Variants in CSMD1 observed in about 807,000 individuals in gnomAD.
CSMD1 encodes the protein CUB and sushi domain-containing protein 1.
Under a neutral mutation model 417.5 loss-of-function variants are expected in CSMD1, and 213 were observed. The observed-to-expected ratio is 0.51, with a 90% CI of 0.46 to 0.57. The LOEUF (loss-of-function observed/expected upper bound fraction) is 0.57, where lower values mean the gene tolerates loss of function less well. CSMD1 is among the 20% of genes least tolerant of loss of function. The pLI is 0.00. For synonymous variants in CSMD1, 2,862 were observed against 1,736.8 expected, an observed-to-expected ratio of 1.65 and a Z score of -16.11; for missense variants, 6,923 against 4,529.7, an observed-to-expected ratio of 1.53 and a Z score of -15.17.
At chr8:4,899,853 T>C (rs1804752300) in intron 1 of CSMD1, among the ~76,000 whole-genome samples, 1 of 152,328 alleles carries the variant, frequency 6.6e-6, no homozygotes, top group Middle Eastern at 3.4e-3. Flanking sequence ...AGATAGCTTT[T>C]TCTCTGGTGT....
At chr8:4,775,796 T>A (rs1585079991) in intron 1 of CSMD1, among the ~76,000 whole-genome samples, 1 of 151,744 alleles carries the variant, frequency 6.6e-6, no homozygotes, top group Non-Finnish European at 1.5e-5. Flanking sequence ...TGGGGATGGG[T>A]CCTCTTAGGC....
At chr8:4,413,438 G>C (rs896174206) in intron 3 of CSMD1, among the ~76,000 whole-genome samples, 3 of 152,238 alleles carry the variant, frequency 2.0e-5, no homozygotes, top group South Asian at 4.1e-4. Flanking sequence ...GCAGTTCAGC[G>C]TCTCTCTTCT....
chr8:4,403,618 A>T (rs186340193), intron 3 of CSMD1, among the ~76,000 whole-genome samples: 4 of 152,022 alleles, frequency 2.6e-5, no homozygotes, highest in Non-Finnish European at 5.9e-5. Context: ...CCCCCTTTTC[A>T]CCATCTGGTC....
intron 3 of CSMD1, among the ~76,000 whole-genome samples, chr8:4,151,740 G>A (rs1796581738): frequency 6.6e-6 from 1 of 152,296 alleles, no homozygotes; most frequent in East Asian, 1.9e-4. Flanking sequence ...AAATACTAGA[G>A]GAAGACTGTA....
intron 1 of CSMD1, among the ~76,000 whole-genome samples, chr8:4,819,522 A>T (rs1037151192): frequency 3.3e-5 from 5 of 152,156 alleles, no homozygotes; most frequent in African/African-American, 4.8e-5. Flanking sequence ...TTCTGATTTT[A>T]TTTTCCCTTG....
At chr8:4,838,333 G>C (rs911668142) in intron 1 of CSMD1, among the ~76,000 whole-genome samples, 2 of 152,000 alleles carry the variant, frequency 1.3e-5, no homozygotes, top group Non-Finnish European at 2.9e-5. Flanking sequence ...AAATTAACAG[G>C]GTAGCTTTGC....
At chr8:4,208,010 A>G (rs766241354) in intron 3 of CSMD1, among the ~76,000 whole-genome samples, 11 of 152,184 alleles carry the variant, frequency 7.2e-5, no homozygotes, top group African/African-American at 2.7e-4. Flanking sequence ...TTTAAAACCT[A>G]AAAGTCCAAC....
intron 1 of CSMD1, among the ~76,000 whole-genome samples, chr8:4,754,113 T>C (rs1345307302): frequency 6.6e-6 from 1 of 152,166 alleles, no homozygotes; most frequent in Non-Finnish European, 1.5e-5. Context: ...TATGTTACAT[T>C]AAACATTTAT....
chr8:3,281,551 G>T (rs1802739593), intron 26 of CSMD1, among the ~76,000 whole-genome samples: 1 of 152,194 alleles, frequency 6.6e-6, no homozygotes, highest in Non-Finnish European at 1.5e-5. Context: ...GAGCTTGAAA[G>T]TGTCTTACTA....
chr8:4,249,844 T>A (rs1396309377), intron 3 of CSMD1, among the ~76,000 whole-genome samples: 1 of 152,132 alleles, frequency 6.6e-6, no homozygotes, highest in Non-Finnish European at 1.5e-5. Flanking sequence ...TTTGAATGTG[T>A]CCCCTGACCC....
intron 49 of CSMD1, among the ~76,000 whole-genome samples, chr8:3,074,640 G>C (rs76482447): frequency 6.6e-6 from 1 of 152,222 alleles, no homozygotes; most frequent in African/African-American, 2.4e-5. Context: ...AAAGTGCAAA[G>C]ATGTTTCTGA....
At chr8:4,471,251 C>G (rs1253629826) in intron 2 of CSMD1, among the ~76,000 whole-genome samples, 1 of 151,912 alleles carries the variant, frequency 6.6e-6, no homozygotes, top group Non-Finnish European at 1.5e-5. Flanking sequence ...AAATGGTGTC[C>G]TACTTAAAAA....
intron 3 of CSMD1, among the ~76,000 whole-genome samples, chr8:4,165,671 G>T (rs189581261): frequency 6.6e-6 from 1 of 152,146 alleles, no homozygotes; most frequent in African/African-American, 2.4e-5. Flanking sequence ...CCAAAGTGCC[G>T]GAATTACAGG....
At chr8:4,203,220 G>A (rs867874746) in intron 3 of CSMD1, among the ~76,000 whole-genome samples, 14 of 152,180 alleles carry the variant, frequency 9.2e-5, no homozygotes, top group African/African-American at 1.4e-4. Context: ...TGAAGATGGA[G>A]AAAGAAGGCC....
intron 8 of CSMD1, among the ~76,000 whole-genome samples, chr8:3,615,915 C>A (rs1180824100): frequency 6.6e-6 from 1 of 152,056 alleles, no homozygotes; most frequent in Non-Finnish European, 1.5e-5. Context: ...GTGCAAAAAT[C>A]TAAAGTAATA....
intron 7 of CSMD1, among the ~76,000 whole-genome samples, chr8:3,630,574 G>A (rs1212703014): frequency 2.6e-5 from 4 of 152,200 alleles, no homozygotes; most frequent in African/African-American, 9.6e-5. Flanking sequence ...AAGGAGAGGA[G>A]GATGTTGAAG....
At chr8:4,705,808 G>A (rs1445111856) in intron 1 of CSMD1, among the ~76,000 whole-genome samples, 2 of 152,018 alleles carry the variant, frequency 1.3e-5, no homozygotes, top group Admixed American at 1.3e-4. Context: ...TCTAGTTCTG[G>A]GAGAAAGATT....
chr8:4,356,595 T>C (rs1332918184), intron 3 of CSMD1, among the ~76,000 whole-genome samples: 1 of 152,226 alleles, frequency 6.6e-6, no homozygotes, highest in Non-Finnish European at 1.5e-5. Flanking sequence ...ACCTCTATCC[T>C]GTAAGCATCT....
chr8:4,271,473 T>C (rs1339819465), intron 3 of CSMD1, among the ~76,000 whole-genome samples: 3 of 151,946 alleles, frequency 2.0e-5, no homozygotes, highest in African/African-American at 4.8e-5. Context: ...TGCAATGCAA[T>C]ACATTTTTCA....
Sources: gnomAD v4.1 joint callset for allele counts (sites outside exome capture counted in the v4.1 genomes callset) on GRCh38, gnomAD v4.1.1 for gene constraint, MANE v1.5 for transcripts, NCBI Gene and HGNC (gene_info 2026-07-23, HGNC 2026-07-21) for gene names.